ACOT7: variants seen among roughly 807,000 people sequenced by gnomAD.
ACOT7 encodes cytosolic acyl coenzyme A thioester hydrolase.
Under a neutral mutation model 40.2 loss-of-function variants are expected in ACOT7, and 12 were observed. The ratio of observed to expected loss-of-function variants is 0.30; its 90% CI spans 0.19 to 0.48. ACOT7 has a LOEUF of 0.48. ACOT7 is among the 20% of genes least tolerant of loss of function. ACOT7 has a pLI of 0.99. For synonymous variants in ACOT7, 228 were observed against 219.5 expected (o/e 1.04, Z -0.34); for missense variants, 395 against 530.8 (o/e 0.74, Z 2.51).
chr1:6,312,953 A>T (rs1432066659), intron 6 of ACOT7, among the ~76,000 whole-genome samples: 4 of 152,224 alleles, frequency 2.6e-5, no homozygotes, highest in Non-Finnish European at 4.4e-5. Context: ...GAGCGCAGAG[A>T]TTGAGAGAGA....
At chr1:6,365,507 C>A (rs1366832499) in intron 1 of ACOT7, among the ~76,000 whole-genome samples, 2 of 152,148 alleles carry the variant, frequency 1.3e-5, no homozygotes, top group Non-Finnish European at 2.9e-5. Flanking sequence ...TGGTGGCTCA[C>A]ACCTGTAATC....
In ACOT7 at chr1:6,271,799, G is replaced by A. The variant is rs532281219; in HGVS notation, c.1015-7104C>T. Among the ~76,000 whole-genome samples, 8 of 152,396 alleles carry A rather than the reference G, an allele frequency of 5.2e-5. No homozygotes were observed. In the East Asian group the frequency reaches 1.2e-3, roughly 22 times the overall value. Reference sequence around the variant, plus strand: ...CACCAGGGGCTCCCCTCACCCAGCAGCACCGGCTCAGACTCCGAAAGAACT... The same window carrying A: ...CACCAGGGGCTCCCCTCACCCAGCAACACCGGCTCAGACTCCGAAAGAACT... On this transcript the variant is annotated intron_variant, in intron 8 of 8. Coordinates refer to ENST00000361521, the MANE Select transcript of ACOT7 (RefSeq NM_007274.4).
chr1:6,267,016 G>A (rs969563298), intron 8 of ACOT7, among the ~76,000 whole-genome samples: 2 of 152,212 alleles, frequency 1.3e-5, no homozygotes, highest in African/African-American at 4.8e-5. Flanking sequence ...CTGGCCCCTC[G>A]GCTCGGGTCC....
chr1:6,373,995 G>A (rs922497781), intron 1 of ACOT7, among the ~76,000 whole-genome samples: 1 of 152,132 alleles, frequency 6.6e-6, no homozygotes, highest in Admixed American at 6.5e-5. Flanking sequence ...GTATAACTCT[G>A]TTTAAATAAG....
At position 6,278,276 on chromosome 1, in the gene ACOT7, T is replaced by C. The variant is rs1466244573; in HGVS notation, c.1014+2826A>G. ...GCTTGCTGCACCCACACCCAGGGCA[T>C]GGAGGAGCCACCGTGCATTTCGGTG... On this transcript the variant is annotated intron_variant, in intron 8 of 8. Transcript: ENST00000361521. The surrounding 1 kb of genome is among the most constrained non-coding windows in gnomAD (Gnocchi z 4.1). Among the ~76,000 whole-genome samples the C allele has an allele frequency of 6.6e-6, 1 of 151,990 alleles. No individual in the cohort carries two copies. The highest frequency in any genetic ancestry group is 1.5e-5 in the Non-Finnish European group (1 of 67,988).
chr1:6,344,268 C>G (rs1428558269), intron 2 of ACOT7, among the ~76,000 whole-genome samples: 1 of 152,166 alleles, frequency 6.6e-6, no homozygotes, highest in Non-Finnish European at 1.5e-5. Context: ...AAAGCAGGTT[C>G]ACTCAAAGAG....
chr1:6,281,431 A>G (rs1174860156), intron 7 of ACOT7, 145 bp from the exon 8 acceptor site: 2 of 685,306 alleles, frequency 2.9e-6, no homozygotes, highest in Non-Finnish European at 5.1e-6. Context: ...ATAACAGAAT[A>G]TTAGAATGTG....
intron 1 of ACOT7, chr1:6,385,369 C>T: frequency 1.7e-6 from 2 of 1,195,450 alleles, no homozygotes; most frequent in Non-Finnish European, 2.3e-6. Flanking sequence ...ACACACAGCT[C>T]ATCCAACACC....
At chr1:6,360,157 C>T (rs1168171161) in intron 1 of ACOT7, among the ~76,000 whole-genome samples, 2 of 152,222 alleles carry the variant, frequency 1.3e-5, no homozygotes, top group Non-Finnish European at 2.9e-5. Context: ...GCTTACAAAC[C>T]CCACACGCAC....
Position 6,385,744 on chromosome 1 carries a change from CG to C in ACOT7, c.143+7512del. On this transcript the variant is annotated intron_variant, in intron 1 of 8. Coordinates refer to ENST00000361521, the MANE Select transcript of ACOT7 (RefSeq NM_007274.4). ...GAGCCCAAGCCTGTGTCTGCCTGGC[CG>C]GCTCAGCAGTGAGCCGGTGTGATCC... The C allele has an allele frequency of 6.6e-6, 10 of 1,521,026 alleles. 2 individuals are homozygous for C. The South Asian group carries it at 1.3e-4, about 19-fold the overall frequency. The allele number at this position is 1,521,026 out of a possible 1,614,324, so 94.2% of individuals were successfully genotyped here.
In ACOT7 at chr1:6,393,305, C is replaced by T; in HGVS notation, c.95G>A (p.Ser32Asn). The change falls in exon 1 of 9, where the codon AGC (serine) becomes AAC (asparagine). Residue 32 changes from serine (S) to asparagine (N), a missense_variant. By Grantham distance (46) the Ser-to-Asn change is conservative (BLOSUM62 1). This residue lies in a region of ACOT7 where 86 missense variants were observed against 60.5 expected (regional missense o/e 1.42). Transcript: ENST00000361521. ...CGTCTCGACGTCTGGGCCCGACATGCTGGGGGCTGCGGCGGCGGATGCGGC... is the reference window on the plus strand; with the variant it reads ...CGTCTCGACGTCTGGGCCCGACATGTTGGGGGCTGCGGCGGCGGATGCGGC... Reference protein sequence around the residue: ...PPAASAAAAPSMSGPDVETPS... With the variant: ...PPAASAAAAPNMSGPDVETPS... 7.8e-7 allele frequency: 1 copy of T among 1,283,276 alleles called. No homozygotes were observed. Among genetic ancestry groups the T allele is most frequent in the Non-Finnish European group, 9.9e-7 (1 of 1,014,856 alleles). 79.5% of individuals were successfully genotyped at this position (1,283,276 alleles called of 1,614,324 possible).
chr1:6,307,941 C>A (rs938195169), intron 6 of ACOT7, among the ~76,000 whole-genome samples: 1 of 150,162 alleles, frequency 6.7e-6, no homozygotes, highest in African/African-American at 2.5e-5. Context: ...GAGGGAACCA[C>A]AACAGGCAGA....
At chr1:6,317,806 A>G (rs1640537476) in intron 6 of ACOT7, among the ~76,000 whole-genome samples, 1 of 146,292 alleles carries the variant, frequency 6.8e-6, no homozygotes. Flanking sequence ...ATCTCAGCTC[A>G]CTGCAACCTC....
intron 1 of ACOT7, among the ~76,000 whole-genome samples, chr1:6,377,965 G>A (rs1642264500): frequency 6.6e-6 from 1 of 152,172 alleles, no homozygotes; most frequent in Admixed American, 6.5e-5. Context: ...AGCTACTCGG[G>A]AGGCTGAGGC....
rs552040899 is a variant in ACOT7, at chr1:6,284,491, G to A, written c.830-3205C>T. 1.1e-3 allele frequency among the ~76,000 whole-genome samples: 156 copies of A among 146,420 alleles called. 1 individual carries two copies. The highest frequency in any genetic ancestry group is 1.9e-3 in the Non-Finnish European group (131 of 67,536). On this transcript the variant is annotated intron_variant, in intron 7 of 8. Coordinates refer to ENST00000361521, the MANE Select transcript of ACOT7 (RefSeq NM_007274.4). ...CTTGGGAGGCTGAGGCAACAGAATC[G>A]CCTGAACCCGGGAGGCGCAGGTTGC...
chr1:6,264,800 C>T (rs1168644910), intron 8 of ACOT7, 105 bp from the exon 9 acceptor site: 5 of 1,218,202 alleles, frequency 4.1e-6, no homozygotes, highest in East Asian at 2.5e-5. Flanking sequence ...GGGATCTGCC[C>T]CACCCCTGGT....
At position 6,289,139 on chromosome 1, in the gene ACOT7, G is replaced by A. The variant is rs534408418; in HGVS notation, c.829+5725C>T. Among the ~76,000 whole-genome samples the A allele has an allele frequency of 1.2e-4, 19 of 152,060 alleles. 1 individual carries two copies. The highest frequency in any genetic ancestry group is 3.3e-4 in the Admixed American group (5 of 15,274). The stretch of plus-strand genomic sequence containing the variant: ...TTTTGAGACGGAGTCTCGCTCTGTC[G>A]CCCCGGCTGGAGTGCAGTGACACGA... On this transcript the variant is annotated intron_variant, in intron 7 of 8. Coordinates refer to ENST00000361521, the MANE Select transcript of ACOT7 (RefSeq NM_007274.4). The surrounding 1 kb of genome is among the most constrained non-coding windows in gnomAD (Gnocchi z 4.6).
At chr1:6,332,838 C>A (rs899254678) in intron 4 of ACOT7, among the ~76,000 whole-genome samples, 9 of 146,102 alleles carry the variant, frequency 6.2e-5, no homozygotes, top group African/African-American at 1.8e-4. Flanking sequence ...CAAAAAAAAA[C>A]AAAAAAAACA....
chr1:6,284,140 TAGACCCTGGGCTC>T (rs1441651842), intron 7 of ACOT7, among the ~76,000 whole-genome samples: 3 of 152,178 alleles, frequency 2.0e-5, no homozygotes, highest in Non-Finnish European at 4.4e-5. Flanking sequence ...TCCCATCTCC[TAGACCCTGGGCTC>T]AGAAGGCACA....
Sources: allele counts gnomAD v4.1 joint callset (sites outside exome capture counted in the v4.1 genomes callset), GRCh38; gene constraint gnomAD v4.1.1; regional missense constraint gnomAD v4.1.1; non-coding constraint Gnocchi (gnomAD v3.1); transcripts MANE v1.5; gene names NCBI Gene and HGNC (gene_info 2026-07-23, HGNC 2026-07-21).